The following HIP1 variants were observed in gnomAD, a reference collection of about 807,000 sequenced individuals.
HIP1 encodes huntingtin interacting protein 1, also known as huntingtin-interacting protein 1.
Under a neutral mutation model 147.6 loss-of-function variants are expected in HIP1, and 65 were observed. That is an observed-to-expected ratio of 0.44 (90% CI 0.36 to 0.54). The LOEUF is 0.54. Ranked by LOEUF, HIP1 falls within the 20% of genes least tolerant of loss-of-function variation. The pLI is 0.00. For synonymous variants in HIP1, 479 were observed against 504.0 expected, an observed-to-expected ratio of 0.95 and a Z score of 0.67; for missense variants, 1,061 against 1,299.6, an observed-to-expected ratio of 0.82 and a Z score of 2.82.
rs890383985 is a variant in HIP1 at position 75,649,556 on chromosome 7, C to T, written c.121-50309G>A. On this transcript the variant is annotated intron_variant, in intron 1 of 30. Transcript: ENST00000336926. The stretch of plus-strand genomic sequence containing the variant: ...TTATTGCCAGCTGCGGTTCTTCACC[C>T]CAGCTGCACACTCCAATTACCTGGG... Among the ~76,000 whole-genome samples the T allele has an allele frequency of 2.0e-5, 3 of 152,274 alleles. No individual in the cohort carries two copies. In the South Asian group the frequency reaches 6.2e-4, roughly 32 times the overall value.
chr7:75,640,545 A>G (rs1330671140), intron 1 of HIP1, among the ~76,000 whole-genome samples: 2 of 152,110 alleles, frequency 1.3e-5, no homozygotes, highest in African/African-American at 4.8e-5. Flanking sequence ...TGAGGCCAGG[A>G]GTTCAAGACC....
chr7:75,638,322 C>T (rs979986512), intron 1 of HIP1, among the ~76,000 whole-genome samples: 2 of 151,878 alleles, frequency 1.3e-5, no homozygotes, highest in African/African-American at 4.8e-5. Flanking sequence ...CGGCTGAAGG[C>T]TGCTCCTTGG....
intron 22 of HIP1, among the ~76,000 whole-genome samples, chr7:75,550,046 G>A (rs117253650): frequency 0.039 from 5,939 of 152,116 alleles, 183 homozygotes; most frequent in Middle Eastern, 0.071. Flanking sequence ...CATATGAGGC[G>A]GGTATTATTC....
At chr7:75,631,877 C>T (rs187648421) in intron 1 of HIP1, among the ~76,000 whole-genome samples, 1 of 151,740 alleles carries the variant, frequency 6.6e-6, no homozygotes, top group Admixed American at 6.6e-5. Context: ...CCCAGCTGCG[C>T]GTGTGTTGTG....
At chr7:75,607,864 C>T (rs1334539208) in intron 1 of HIP1, among the ~76,000 whole-genome samples, 1 of 152,086 alleles carries the variant, frequency 6.6e-6, no homozygotes, top group Non-Finnish European at 1.5e-5. Context: ...CCCTCTACAC[C>T]ACAGAGACAC....
chr7:75,564,958 C>T (rs1024433191), intron 9 of HIP1, among the ~76,000 whole-genome samples: 3 of 151,504 alleles, frequency 2.0e-5, no homozygotes, highest in East Asian at 1.9e-4. Context: ...TGCAGTGGAA[C>T]GATCAAGGCT....
intron 12 of HIP1, 49 bp downstream of exon 12, chr7:75,562,024 G>T: frequency 9.4e-7 from 1 of 1,067,366 alleles, no homozygotes; most frequent in Non-Finnish European, 1.5e-6. Context: ...GGCAGACCAT[G>T]GCTTAACTTA....
chr7:75,659,600 G>A (rs1799243106), intron 1 of HIP1, among the ~76,000 whole-genome samples: 1 of 152,038 alleles, frequency 6.6e-6, no homozygotes, highest in Admixed American at 6.6e-5. Context: ...AGAGAGCCAA[G>A]ATTGCGCCAC....
intron 4 of HIP1, among the ~76,000 whole-genome samples, 170 bp from the exon 5 acceptor site, chr7:75,587,003 T>C (rs898542806): frequency 1.3e-5 from 2 of 152,128 alleles, no homozygotes; most frequent in Non-Finnish European, 2.9e-5. Context: ...TGCAGTGGCA[T>C]GATCTCGGCT....
chr7:75,547,945 A>G, intron 23 of HIP1, 132 bp from the exon 24 acceptor site: 2 of 794,718 alleles, frequency 2.5e-6, no homozygotes, highest in South Asian at 2.8e-5. Flanking sequence ...GTCCCTGCCC[A>G]CATTCTTGAG....
At chr7:75,558,345 T>A (rs1554493864) in intron 14 of HIP1, 90 bp from the exon 15 acceptor site, 2 of 975,990 alleles carry the variant, frequency 2.0e-6, no homozygotes, top group Non-Finnish European at 3.3e-6. Context: ...AAGGTCCTCC[T>A]TGTTTTGTTT....
chr7:75,655,353 T>G (rs1222050177), intron 1 of HIP1, among the ~76,000 whole-genome samples: 1 of 151,816 alleles, frequency 6.6e-6, no homozygotes, highest in Non-Finnish European at 1.5e-5. Flanking sequence ...CCCAGGTGGG[T>G]GGATCACTTG....
At chr7:75,660,898 A>G (rs1243011185) in intron 1 of HIP1, among the ~76,000 whole-genome samples, 1 of 152,136 alleles carries the variant, frequency 6.6e-6, no homozygotes, top group Non-Finnish European at 1.5e-5. Context: ...GAAAGCATAA[A>G]GAGGGAAGAG....
At chr7:75,661,839 C>A (rs981458520) in intron 1 of HIP1, among the ~76,000 whole-genome samples, 10 of 151,950 alleles carry the variant, frequency 6.6e-5, no homozygotes, top group Non-Finnish European at 1.5e-4. Flanking sequence ...AGAGGGATTT[C>A]TCTTTGGGAA....
Position 75,599,174 on chromosome 7 carries a change from A to G in HIP1, c.184+10T>C. The stretch of plus-strand genomic sequence containing the variant: ...AGGGTCGGTCTTCCAAGCAACATCC[A>G]AAAGGATATTTCTGGCGTGTTTTTC... On this transcript the variant is annotated intron_variant, in intron 2 of 30. Transcript: ENST00000336926. 1 of 1,607,288 alleles carries G rather than the reference A, an allele frequency of 6.2e-7. No individual in the cohort carries two copies.
chr7:75,691,724 G>A (rs1800460036), intron 1 of HIP1, among the ~76,000 whole-genome samples: 1 of 151,738 alleles, frequency 6.6e-6, no homozygotes, highest in Admixed American at 6.6e-5. Flanking sequence ...GGAGAAGGAG[G>A]TTGCAGTAAG....
chr7:75,636,533 G>A (rs1798434908), intron 1 of HIP1, among the ~76,000 whole-genome samples: 1 of 152,196 alleles, frequency 6.6e-6, no homozygotes, highest in Non-Finnish European at 1.5e-5. Context: ...AACCAGAGAT[G>A]GGAATTTAAT....
intron 29 of HIP1, among the ~76,000 whole-genome samples, chr7:75,540,596 GC>G (rs1384192431): frequency 6.6e-6 from 1 of 151,854 alleles, no homozygotes; most frequent in Non-Finnish European, 1.5e-5. Context: ...GGGGAACAGA[GC>G]AAGGCCCTGA....
chr7:75,725,653 T>C (rs1452844310), intron 1 of HIP1, among the ~76,000 whole-genome samples: 3 of 152,222 alleles, frequency 2.0e-5, no homozygotes, highest in Non-Finnish European at 4.4e-5. Context: ...ATCCGTGTTG[T>C]TGAATGTAAC....
Sources: allele counts gnomAD v4.1 joint callset (sites outside exome capture counted in the v4.1 genomes callset), GRCh38; gene constraint gnomAD v4.1.1; transcripts MANE v1.5; gene names NCBI Gene and HGNC (gene_info 2026-07-23, HGNC 2026-07-21).